LRRC7: variants seen among roughly 807,000 people sequenced by gnomAD.
LRRC7 encodes the protein leucine rich repeat containing 7.
Under a neutral mutation model 175.7 loss-of-function variants are expected in LRRC7, and 23 were observed. The ratio of observed to expected loss-of-function variants is 0.13; its 90% confidence interval spans 0.09 to 0.19. LRRC7 has a LOEUF of 0.19. Among genes scored for constraint, LRRC7 ranks in the 10% least tolerant of loss-of-function variants. The pLI, the probability that LRRC7 is intolerant of heterozygous loss-of-function variation, is 1.00. For synonymous variants in LRRC7, 685 were observed against 680.9 expected (o/e 1.01, Z -0.09); for missense variants, 1,354 against 1,904.7 (o/e 0.71, Z 5.38).
At chr1:69,669,637 T>C in intron 1 of LRRC7, among the ~76,000 whole-genome samples, 1 of 152,198 alleles carries the variant, frequency 6.6e-6, no homozygotes, top group East Asian at 1.9e-4. Context: ...TATCTGTTAT[T>C]ATCCTTTAAA....
chr1:70,019,476 T>C (rs565646669), intron 15 of LRRC7, among the ~76,000 whole-genome samples: 55 of 152,152 alleles, frequency 3.6e-4, no homozygotes, highest in African/African-American at 1.3e-3. Flanking sequence ...CAAGCTGATA[T>C]GAACATTTTC....
intron 4 of LRRC7, among the ~76,000 whole-genome samples, chr1:69,818,678 T>C (rs12405077): frequency 6.6e-6 from 1 of 152,136 alleles, no homozygotes; most frequent in Admixed American, 6.6e-5. Context: ...AAGGTTGATA[T>C]TAATTCTCCT....
intron 5 of LRRC7, among the ~76,000 whole-genome samples, chr1:69,829,751 C>G (rs139029616): frequency 6.6e-6 from 1 of 151,868 alleles, no homozygotes; most frequent in African/African-American, 2.4e-5. Context: ...TTGAGAGTTC[C>G]TTACTTAATG....
chr1:69,689,296 C>T (rs7548834), intron 2 of LRRC7, among the ~76,000 whole-genome samples: 21,769 of 152,118 alleles, frequency 0.14, 1,707 homozygotes, highest in Middle Eastern at 0.2. Context: ...ATTTATGCAA[C>T]GTCACATAGC....
chr1:69,645,716 A>G (rs1654909043), intron 1 of LRRC7, among the ~76,000 whole-genome samples: 1 of 152,200 alleles, frequency 6.6e-6, no homozygotes, highest in Admixed American at 6.5e-5. Context: ...TGTTTAATTA[A>G]TAAGTGTATC....
At position 69,717,790 on chromosome 1, in the gene LRRC7, GAA is replaced by G. The variant is rs11337011; in HGVS notation, c.100+39314_100+39315del. Among the ~76,000 whole-genome samples the G allele has an allele frequency of 3.0e-4, 6 of 19,834 alleles. No homozygotes were observed. In the East Asian group the frequency reaches 4.8e-3, roughly 16 times the overall value. 13.0% of individuals were successfully genotyped at this position (19,834 alleles called of 152,430 possible). ...AGAAAAAAAGAAAGAAAGAAAGAAA[GAA>G]AGAAAGAAAGAAAGAAAGAAAGAAA... On this transcript the variant is annotated intron_variant, in intron 2 of 26. Transcript: ENST00000651989.
chr1:70,039,878 T>A lies in LRRC7; in HGVS notation c.3969+85T>A, dbSNP rs941425189. 20 of 1,426,718 alleles carry A rather than the reference T, an allele frequency of 1.4e-5. No homozygotes were observed. In the South Asian group the frequency reaches 1.6e-4, roughly 11 times the overall value. 88.4% of individuals were successfully genotyped at this position (1,426,718 alleles called of 1,614,324 possible). A position where few individuals can be genotyped will look rare whatever the true frequency, so the allele number is the denominator to read the frequency against. ...ATTTCTAAGCACATGTAGTGAAGCA[T>A]GAACTACATGAATGAATTAGATGAT... On this transcript the variant is annotated intron_variant, in intron 21 of 26. Coordinates refer to ENST00000651989, the MANE Select transcript of LRRC7 (RefSeq NM_001370785.2).
At chr1:69,712,043 A>G (rs947294694) in intron 2 of LRRC7, among the ~76,000 whole-genome samples, 1 of 152,340 alleles carries the variant, frequency 6.6e-6, no homozygotes, top group Non-Finnish European at 1.5e-5. Flanking sequence ...TTGACTAAAA[A>G]TCTAGAAACC....
At chr1:69,980,287 C>A in intron 8 of LRRC7, 92 bp from the exon 9 acceptor site, 1 of 1,103,700 alleles carries the variant, frequency 9.1e-7, no homozygotes. Flanking sequence ...AATAAAAGCT[C>A]AAGATCCAAG....
At chr1:69,876,028 C>T (rs1480049224) in intron 7 of LRRC7, among the ~76,000 whole-genome samples, 1 of 152,088 alleles carries the variant, frequency 6.6e-6, no homozygotes, top group Non-Finnish European at 1.5e-5. Context: ...GAACAACACT[C>T]TGTATTGCCT....
chr1:70,118,706 G>T (rs1666023267), intron 26 of LRRC7, among the ~76,000 whole-genome samples: 1 of 152,136 alleles, frequency 6.6e-6, no homozygotes, highest in Middle Eastern at 3.4e-3. Context: ...AAGTTGTTTG[G>T]TCTCCTTAAA....
At chr1:70,026,173 C>A (rs1658079289) in intron 17 of LRRC7, among the ~76,000 whole-genome samples, 1 of 151,940 alleles carries the variant, frequency 6.6e-6, no homozygotes. Context: ...ATTTCTTTTG[C>A]CTTCCATTCA....
At chr1:69,579,827 T>C (rs945841493) in intron 1 of LRRC7, among the ~76,000 whole-genome samples, 9 of 138,544 alleles carry the variant, frequency 6.5e-5, no homozygotes, top group African/African-American at 2.5e-4. Context: ...AGAGCCAGCA[T>C]CTTCCCATGT....
chr1:69,764,730 C>CAGACAGACAGACAGATAGAT (rs1377304958), intron 3 of LRRC7, among the ~76,000 whole-genome samples: 38 of 140,412 alleles, frequency 2.7e-4, no homozygotes, highest in African/African-American at 7.7e-4. Flanking sequence ...GATAGATAGA[C>CAGACAGACAGACAGATAGAT]AGATAGATAG....
intron 1 of LRRC7, among the ~76,000 whole-genome samples, chr1:69,625,030 A>T (rs1186163688): frequency 6.6e-6 from 1 of 152,016 alleles, no homozygotes; most frequent in Admixed American, 6.6e-5. Context: ...ACCTCAAAAA[A>T]TTGTCATTTT....
chr1:69,744,659 G>T (rs1489394298), intron 2 of LRRC7, among the ~76,000 whole-genome samples: 1 of 151,790 alleles, frequency 6.6e-6, no homozygotes, highest in African/African-American at 2.4e-5. Context: ...TTGGTGTGTG[G>T]CATTCTATGT....
intron 26 of LRRC7, among the ~76,000 whole-genome samples, chr1:70,113,114 G>A (rs1405014314): frequency 6.6e-6 from 1 of 152,114 alleles, no homozygotes; most frequent in East Asian, 1.9e-4. Context: ...ACTCCACAAA[G>A]AGAAGTCTAA....
chr1:70,069,779 C>T (rs187515266), intron 23 of LRRC7, among the ~76,000 whole-genome samples: 225 of 152,254 alleles, frequency 1.5e-3, no homozygotes, highest in Non-Finnish European at 2.2e-3. Flanking sequence ...AGACTCTGCT[C>T]ATATTTTTGT....
chr1:69,622,405 T>C (rs1328451359), intron 1 of LRRC7, among the ~76,000 whole-genome samples: 1 of 152,202 alleles, frequency 6.6e-6, no homozygotes, highest in Non-Finnish European at 1.5e-5. Context: ...AGAAAAGTCA[T>C]GAAAAGATGA....
Sources: allele counts gnomAD v4.1 joint callset (sites outside exome capture counted in the v4.1 genomes callset), GRCh38; gene constraint gnomAD v4.1.1; transcripts MANE v1.5; gene names NCBI Gene and HGNC (gene_info 2026-07-23, HGNC 2026-07-21).